The following SSH2 variants were observed in gnomAD, a reference collection of about 807,000 sequenced individuals.
The protein encoded by SSH2 is slingshot protein phosphatase 2.
Under a neutral mutation model 135.2 loss-of-function variants are expected in SSH2, and 37 were observed. The ratio of observed to expected loss-of-function variants is 0.27; its 90% confidence interval spans 0.21 to 0.36. SSH2 has a LOEUF of 0.36. SSH2 is among the 10% of genes least tolerant of loss of function. The pLI, the probability that SSH2 is intolerant of heterozygous loss-of-function variation, is 1.00. For synonymous variants in SSH2, 628 were observed against 646.2 expected, an observed-to-expected ratio of 0.97 and a Z score of 0.43; for missense variants, 1,408 against 1,765.3, an observed-to-expected ratio of 0.80 and a Z score of 3.63.
chr17:29,712,574 T>G (rs2151149604), intron 3 of SSH2, among the ~76,000 whole-genome samples: 1 of 152,148 alleles, frequency 6.6e-6, no homozygotes, highest in South Asian at 2.1e-4. Context: ...AAGGCCAAGG[T>G]GGGTGGATCA....
intron 1 of SSH2, among the ~76,000 whole-genome samples, chr17:29,866,901 C>T (rs937842339): frequency 2.6e-5 from 4 of 151,936 alleles, no homozygotes; most frequent in Non-Finnish European, 4.4e-5. Flanking sequence ...AGTGCCATAT[C>T]GGCTCACTTC....
chr17:29,673,621 G>A (rs1389284605), intron 8 of SSH2, among the ~76,000 whole-genome samples: 1 of 151,694 alleles, frequency 6.6e-6, no homozygotes, highest in East Asian at 1.9e-4. Context: ...AGTGATCCAT[G>A]CCTACTTTAG....
chr17:29,649,140 C>T (rs1401462528), intron 13 of SSH2, among the ~76,000 whole-genome samples: 1 of 127,244 alleles, frequency 7.9e-6, no homozygotes, highest in Non-Finnish European at 1.7e-5. Context: ...GACTCTGGCT[C>T]AAAAAAAAAA....
At chr17:29,835,836 T>C (rs923649013) in intron 2 of SSH2, among the ~76,000 whole-genome samples, 2 of 151,738 alleles carry the variant, frequency 1.3e-5, no homozygotes, top group South Asian at 4.2e-4. Context: ...AAAAATTAGC[T>C]AGGCGTGGTG....
intron 1 of SSH2, among the ~76,000 whole-genome samples, chr17:29,917,920 C>T (rs780342842): frequency 6.6e-6 from 1 of 152,078 alleles, no homozygotes; most frequent in Non-Finnish European, 1.5e-5. Context: ...TGGCTCATGC[C>T]TGTAATCCCG....
chr17:29,904,991 A>G (rs1019016455), intron 1 of SSH2, among the ~76,000 whole-genome samples: 5 of 152,242 alleles, frequency 3.3e-5, no homozygotes, highest in Admixed American at 6.5e-5. Flanking sequence ...GCTCAAAGAA[A>G]TCAGAGAGGA....
intron 1 of SSH2, among the ~76,000 whole-genome samples, chr17:29,859,883 G>C (rs893867359): frequency 3.9e-5 from 6 of 152,080 alleles, no homozygotes; most frequent in African/African-American, 1.4e-4. Context: ...TTTCGCTCTT[G>C]TTTTCCAGGC....
At chr17:29,843,076 C>T (rs902282968) in intron 2 of SSH2, among the ~76,000 whole-genome samples, 2 of 152,086 alleles carry the variant, frequency 1.3e-5, no homozygotes, top group Non-Finnish European at 2.9e-5. Flanking sequence ...ATAGCAGAAA[C>T]GAAGAGAGTA....
intron 11 of SSH2, among the ~76,000 whole-genome samples, chr17:29,662,297 G>A (rs565840850): frequency 1.5e-4 from 23 of 152,254 alleles, no homozygotes; most frequent in African/African-American, 5.1e-4. Context: ...GAAAATAGAA[G>A]ACTACAGCAC....
intron 5 of SSH2, among the ~76,000 whole-genome samples, chr17:29,686,528 A>ATT (rs754504171): frequency 7.1e-6 from 1 of 140,898 alleles, no homozygotes; most frequent in Admixed American, 7.2e-5. Flanking sequence ...CGCCCGGCTA[A>ATT]TTTTTTTTTT....
chr17:29,840,998 G>C (rs889062528), intron 2 of SSH2, among the ~76,000 whole-genome samples: 4 of 152,156 alleles, frequency 2.6e-5, no homozygotes, highest in Non-Finnish European at 5.9e-5. Context: ...GAAAGTCTGA[G>C]AGAGCCCTCT....
chr17:29,764,661 T>A (rs950507295), intron 3 of SSH2, among the ~76,000 whole-genome samples: 1 of 152,260 alleles, frequency 6.6e-6, no homozygotes, highest in Non-Finnish European at 1.5e-5. Context: ...CATTTGAAAT[T>A]AGCTTTATCA....
intron 3 of SSH2, chr17:29,716,654 C>CG (rs1271170013): frequency 1.5e-6 from 1 of 652,308 alleles, no homozygotes; most frequent in Non-Finnish European, 2.9e-6. Flanking sequence ...GAACATATAT[C>CG]GGGTGCCTCT....
intron 2 of SSH2, among the ~76,000 whole-genome samples, chr17:29,804,843 CTTTTT>C (rs531310094): frequency 1.0e-5 from 1 of 98,998 alleles, no homozygotes; most frequent in African/African-American, 4.3e-5. Flanking sequence ...CCACATCTGG[CTTTTT>C]TTTTTTTTTT....
chr17:29,770,131 A>C (rs1406291590), intron 3 of SSH2, among the ~76,000 whole-genome samples: 17 of 116,346 alleles, frequency 1.5e-4, no homozygotes, highest in Admixed American at 3.6e-4. Context: ...ACAGAGTCTC[A>C]CTCCATTACC....
At chr17:29,920,129 C>T (rs771441484) in intron 1 of SSH2, among the ~76,000 whole-genome samples, 5 of 152,186 alleles carry the variant, frequency 3.3e-5, no homozygotes, top group Non-Finnish European at 7.3e-5. Context: ...TGGTCTCGAA[C>T]TGCCGACCTT....
chr17:29,773,534 A>G (rs1407914579), intron 3 of SSH2, among the ~76,000 whole-genome samples: 7 of 152,182 alleles, frequency 4.6e-5, no homozygotes, highest in African/African-American at 1.7e-4. Flanking sequence ...TCAACATCTT[A>G]GTTTTATTAA....
At chr17:29,676,944 T>A in intron 7 of SSH2, 59 bp from the exon 8 acceptor site, 1 of 1,405,722 alleles carries the variant, frequency 7.1e-7, no homozygotes, top group South Asian at 1.2e-5. Flanking sequence ...ATTTGAATTG[T>A]GAGTTTTCAT....
intron 3 of SSH2, among the ~76,000 whole-genome samples, chr17:29,734,918 A>C (rs924682765): frequency 1.3e-5 from 2 of 152,208 alleles, no homozygotes; most frequent in African/African-American, 4.8e-5. Context: ...GATTGTTTAA[A>C]AATGGATAAA....
Sources: allele counts gnomAD v4.1 joint callset (sites outside exome capture counted in the v4.1 genomes callset), GRCh38; gene constraint gnomAD v4.1.1; transcripts MANE v1.5; gene names NCBI Gene and HGNC (gene_info 2026-07-23, HGNC 2026-07-21).